PADI1: variants seen among roughly 807,000 people sequenced by gnomAD.
PADI1 encodes protein-arginine deiminase type-1.
PADI1 carries 65 observed loss-of-function variants against 74.8 expected under a neutral mutation model. That is an observed-to-expected ratio of 0.87 (90% CI 0.71 to 1.07). The LOEUF (loss-of-function observed/expected upper bound fraction) is 1.07. Among genes scored for constraint, PADI1 ranks in the 50% least tolerant of loss-of-function variants. The pLI, the probability that PADI1 is intolerant of heterozygous loss-of-function variation, is 0.00. For synonymous variants in PADI1, 371 were observed against 336.2 expected (o/e 1.10, Z -1.13); for missense variants, 943 against 854.0 (o/e 1.10, Z -1.30).
At chr1:17,206,519 T>G (rs574825464) in intron 1 of PADI1, among the ~76,000 whole-genome samples, 10 of 152,274 alleles carry the variant, frequency 6.6e-5, no homozygotes, top group African/African-American at 2.4e-4. Flanking sequence ...TCTCTTGCCC[T>G]GTTAACATAG....
Position 17,244,457 on chromosome 1 carries a change from T to A in PADI1, c.*214T>A, listed in dbSNP as rs1449946304. 13 of 656,288 alleles carry A rather than the reference T, an allele frequency of 2.0e-5. No individual in the cohort carries two copies. The East Asian group carries it at 3.9e-4, about 20-fold the overall frequency. The allele number at this position is 656,288 out of a possible 1,614,324, so 40.7% of individuals were successfully genotyped here. A position where few individuals can be genotyped will look rare whatever the true frequency, so the allele number is the denominator to read the frequency against. On this transcript the variant is annotated 3_prime_UTR_variant, in exon 16 of 16. Transcript: ENST00000375471. Reference sequence around the variant, plus strand: ...ACCCGAGAAGAATGCACCTCATTCTTCCCTGGCCTCTTTCCCACCCACAGC... The same window carrying A: ...ACCCGAGAAGAATGCACCTCATTCTACCCTGGCCTCTTTCCCACCCACAGC...
At position 17,223,689 on chromosome 1, in the gene PADI1, C is replaced by G; in HGVS notation, c.342C>G (p.Gly114=). ...ALGRSVLYLT[G]VDISLEVDTG... ...GCCGCAGCGTGCTTTACCTCACTGG[C>G]GTCGGTAAGTAGCAGCTCCCTGGCT... Residue 114 remains glycine (G), a synonymous_variant, in exon 3 of 16, where the codon GGC becomes GGG. Transcript: ENST00000375471. 6.2e-7 allele frequency: 1 copy of G among 1,613,622 alleles called. No individual in the cohort carries two copies. Among genetic ancestry groups the G allele is most frequent in the South Asian group, 1.1e-5 (1 of 91,058 alleles).
rs1337280676 is a variant in PADI1, at chr1:17,230,501, G to C, written c.1054-71G>C. ...CGCTGCCCTGCCCTGCCCCAGGCCT[G>C]GTGGGGACCACCCTGTTCTGTAAAC... On this transcript the variant is annotated intron_variant, in intron 9 of 15. Coordinates refer to ENST00000375471, the MANE Select transcript of PADI1 (RefSeq NM_013358.3). The C allele has an allele frequency of 6.5e-6, 7 of 1,080,372 alleles. No individual in the cohort carries two copies. The African/African-American group carries it at 1.1e-4, about 17-fold the overall frequency. The allele number at this position is 1,080,372 out of a possible 1,614,324, so 66.9% of individuals were successfully genotyped here.
At chr1:17,235,671 G>C (rs1361521251) in intron 11 of PADI1, among the ~76,000 whole-genome samples, 1 of 152,008 alleles carries the variant, frequency 6.6e-6, no homozygotes, top group Non-Finnish European at 1.5e-5. Flanking sequence ...CAGGGGCAGA[G>C]AGCTCAGAGG....
chr1:17,205,325 C>T lies in PADI1; in HGVS notation c.92+16C>T, dbSNP rs545150645. On this transcript the variant is annotated intron_variant, in intron 1 of 15. Coordinates refer to ENST00000375471, the MANE Select transcript of PADI1 (RefSeq NM_013358.3). ...ACATTCACAGGTAAGAGCTGGGAGG[C>T]GCTCTCCTGGCTGCAGAGAGCTGGG... 2.7e-4 allele frequency: 434 copies of T among 1,599,142 alleles called. 4 individuals are homozygous for T. In the South Asian group the frequency reaches 4.3e-3, roughly 16 times the overall value.
intron 10 of PADI1, among the ~76,000 whole-genome samples, chr1:17,231,538 T>C (rs2072490042): frequency 6.6e-6 from 1 of 152,084 alleles, no homozygotes; most frequent in Non-Finnish European, 1.5e-5. Flanking sequence ...CCTGGAGGGA[T>C]CAGGTGACAA....
chr1:17,240,786 CT>C (rs1303870181), intron 15 of PADI1, 26 bp downstream of exon 15: 1 of 1,608,690 alleles, frequency 6.2e-7, no homozygotes, highest in East Asian at 2.2e-5. Flanking sequence ...CAGGGTCCTG[CT>C]GGGGGGTCTG....
At chr1:17,238,025 C>A (rs1294790621) in intron 12 of PADI1, among the ~76,000 whole-genome samples, 1 of 152,114 alleles carries the variant, frequency 6.6e-6, no homozygotes, top group Non-Finnish European at 1.5e-5. Context: ...GAGGAGACAT[C>A]TGAATTGGGT....
intron 10 of PADI1, among the ~76,000 whole-genome samples, chr1:17,231,735 A>G (rs963757615): frequency 1.3e-5 from 2 of 151,866 alleles, no homozygotes; most frequent in Non-Finnish European, 2.9e-5. Context: ...TGAAATGGAA[A>G]CTAAGATGTT....
chr1:17,214,819 C>T (rs1019716295), intron 1 of PADI1, among the ~76,000 whole-genome samples: 12 of 152,214 alleles, frequency 7.9e-5, no homozygotes, highest in African/African-American at 1.4e-4. Context: ...GTATAAGCCC[C>T]GTCTCCCAGC....
At chr1:17,225,369 C>T (rs922915044) in intron 4 of PADI1, among the ~76,000 whole-genome samples, 4 of 152,154 alleles carry the variant, frequency 2.6e-5, no homozygotes, top group African/African-American at 9.7e-5. Flanking sequence ...GGACTGCATG[C>T]GGATGCCAGA....
Position 17,222,825 on chromosome 1 carries a change from A to G in PADI1, c.273+355A>G, listed in dbSNP as rs186451938. Among the ~76,000 whole-genome samples, 14 of 152,226 alleles carry G rather than the reference A, an allele frequency of 9.2e-5. 1 individual carries two copies. Among genetic ancestry groups the G allele is most frequent in the Admixed American group, 4.6e-4 (7 of 15,284 alleles). On this transcript the variant is annotated intron_variant, in intron 2 of 15. Coordinates refer to ENST00000375471, the MANE Select transcript of PADI1 (RefSeq NM_013358.3). ...CTCGTGTGGGCAGGACCGCACAACA[A>G]CAACCCGTGCAGGTGCACACACACA...
chr1:17,205,311 T>G lies in PADI1; in HGVS notation c.92+2T>G, dbSNP rs140034080. The G allele has an allele frequency of 3.5e-4, 572 of 1,612,664 alleles. 1 individual carries two copies. Among genetic ancestry groups the G allele is most frequent in the Non-Finnish European group, 4.4e-4 (515 of 1,179,022 alleles). ...CGAGGCACATGTGGACATTCACAGG[T>G]AAGAGCTGGGAGGCGCTCTCCTGGC... On this transcript the variant is annotated splice_donor_variant, in intron 1 of 15. Coordinates refer to ENST00000375471, the MANE Select transcript of PADI1 (RefSeq NM_013358.3). LOFTEE classifies it high-confidence loss of function.
intron 1 of PADI1, among the ~76,000 whole-genome samples, chr1:17,214,229 G>A (rs1315815267): frequency 1.3e-5 from 2 of 152,132 alleles, no homozygotes; most frequent in Non-Finnish European, 2.9e-5. Flanking sequence ...GGAAAATCGA[G>A]GCAGTTGAGT....
chr1:17,243,042 G>C (rs2072809371), intron 15 of PADI1, among the ~76,000 whole-genome samples: 1 of 152,204 alleles, frequency 6.6e-6, no homozygotes, highest in African/African-American at 2.4e-5. Flanking sequence ...GTGGGGGGCA[G>C]AGCACGGAGA....
At chr1:17,206,140 TG>T (rs1466670140) in intron 1 of PADI1, among the ~76,000 whole-genome samples, 6 of 152,300 alleles carry the variant, frequency 3.9e-5, no homozygotes, top group Middle Eastern at 3.4e-3. Flanking sequence ...CTGGAGCAGG[TG>T]GGGCTGAACC....
intron 1 of PADI1, among the ~76,000 whole-genome samples, chr1:17,219,569 G>A (rs1301147365): frequency 6.6e-6 from 1 of 152,128 alleles, no homozygotes; most frequent in Non-Finnish European, 1.5e-5. Context: ...CCAGGGTGCA[G>A]CACACCATCT....
At chr1:17,223,737 C>G (rs1350630258) in intron 3 of PADI1, 44 bp downstream of exon 3, 2 of 1,497,546 alleles carry the variant, frequency 1.3e-6, no homozygotes, top group African/African-American at 2.7e-5. Context: ...CTTTGCCCCT[C>G]CAGGTTGACT....
chr1:17,223,822 T>C (rs2072234135), intron 3 of PADI1, 129 bp downstream of exon 3: 2 of 733,028 alleles, frequency 2.7e-6, no homozygotes, highest in Non-Finnish European at 2.3e-6. Context: ...GGGCTTGGAT[T>C]CCTCGGGACC....
Sources: gnomAD v4.1 joint callset for allele counts (sites outside exome capture counted in the v4.1 genomes callset) on GRCh38, gnomAD v4.1.1 for gene constraint, MANE v1.5 for transcripts, NCBI Gene and HGNC (gene_info 2026-07-23, HGNC 2026-07-21) for gene names.